Variants in FLYWCH1 observed in about 807,000 individuals in gnomAD.
FLYWCH1 encodes the protein FLYWCH-type zinc finger 1.
FLYWCH1 carries 75 observed loss-of-function variants against 66.4 expected under a neutral mutation model. That is an observed-to-expected ratio of 1.13 (90% CI 0.94 to 1.37). The LOEUF (loss-of-function observed/expected upper bound fraction) is 1.37, where lower values mean the gene tolerates loss of function less well. Ranked by LOEUF, FLYWCH1 falls within the 40% of genes most tolerant of loss-of-function variation. The pLI, the probability that FLYWCH1 is intolerant of heterozygous loss-of-function variation, is 0.00. For synonymous variants in FLYWCH1, 595 were observed against 429.9 expected, an observed-to-expected ratio of 1.38 and a Z score of -4.75; for missense variants, 1,334 against 1,001.8, an observed-to-expected ratio of 1.33 and a Z score of -4.48.
chr16:2,938,395 A>C lies in FLYWCH1; in HGVS notation c.1989A>C (p.Ala663=). The change falls in exon 8 of 10, where the codon GCA becomes GCC. Residue 663 remains alanine (A), a synonymous_variant. Transcript: ENST00000253928. ...MRSHCHQPDL[A]GLEALRQRER... is the part of the protein sequence containing the mutation. ...GCCACTGCCATCAGCCTGACCTGGC[A>C]GGCCTGGAGGCCTTGAGGCAACGGG... 1.3e-6 allele frequency: 2 copies of C among 1,552,098 alleles called. No homozygotes were observed. The highest frequency in any genetic ancestry group is 1.7e-6 in the Non-Finnish European group (2 of 1,148,490).
In FLYWCH1 at chr16:2,911,994, G is replaced by T. The variant is rs1287040439; in HGVS notation, c.-348G>T. The T allele has an allele frequency of 6.6e-6, 1 of 152,212 alleles. No individual in the cohort carries two copies. Among genetic ancestry groups the T allele is most frequent in the Non-Finnish European group, 1.5e-5 (1 of 68,082 alleles). 9.4% of individuals were successfully genotyped at this position (152,212 alleles called of 1,614,324 possible). ...CGGCGGGGTCGCGCGCGCGGTCACGGGGCTCGCTCCCGAGGGGCAGGTCGG... is the reference window on the plus strand; with the variant it reads ...CGGCGGGGTCGCGCGCGCGGTCACGTGGCTCGCTCCCGAGGGGCAGGTCGG... On this transcript the variant is annotated 5_prime_UTR_variant, in exon 1 of 10. Transcript: ENST00000253928.
At chr16:2,936,082 T>A (rs1596383661) in intron 6 of FLYWCH1, 2 of 245,612 alleles carry the variant, frequency 8.1e-6, no homozygotes, top group East Asian at 2.4e-4. Flanking sequence ...GCTAATTTTT[T>A]GTATTTTTTT....
Position 2,949,180 on chromosome 16 carries a change from G to C in FLYWCH1, c.*453G>C, listed in dbSNP as rs1245390582. 1 of 189,860 alleles carries C rather than the reference G, an allele frequency of 5.3e-6. No individual in the cohort carries two copies. Among genetic ancestry groups the C allele is most frequent in the Non-Finnish European group, 1.1e-5 (1 of 91,706 alleles). 11.8% of individuals were successfully genotyped at this position (189,860 alleles called of 1,614,324 possible). On this transcript the variant is annotated 3_prime_UTR_variant, in exon 10 of 10. Transcript: ENST00000253928. ...TGGGGAAGTTCCTGCTTCAAACTGAGCTGCCCCGCATAGGCCAGGTCAACC... is the reference window on the plus strand; with the variant it reads ...TGGGGAAGTTCCTGCTTCAAACTGACCTGCCCCGCATAGGCCAGGTCAACC...
At chr16:2,937,472 G>T in intron 7 of FLYWCH1, 88 bp downstream of exon 7, 1 of 1,417,648 alleles carries the variant, frequency 7.1e-7, no homozygotes, top group Non-Finnish European at 9.3e-7. Context: ...GTGGGGTGTT[G>T]TGTGTTGTGC....
In FLYWCH1 at chr16:2,933,723, T is replaced by G. The variant is rs2070873027; in HGVS notation, c.1257T>G (p.Pro419=). The G allele has an allele frequency of 1.9e-6, 3 of 1,611,908 alleles. No individual in the cohort carries two copies. Among genetic ancestry groups the G allele is most frequent in the East Asian group, 2.2e-5 (1 of 44,772 alleles). ...HQDMDADPGG[P]EFLKTPLGGS... ...CCTCTTGAACCTCCCCAGGAGGCCC[T>G]GAGTTCCTGAAGACGCCCCTGGGGG... The change falls in exon 6 of 10, where the codon CCT becomes CCG. Residue 419 remains proline (P), a synonymous_variant. Coordinates refer to ENST00000253928, the MANE Select transcript of FLYWCH1 (RefSeq NM_001308068.2).
intron 7 of FLYWCH1, 72 bp from the exon 8 acceptor site, chr16:2,938,110 GGA>G: frequency 6.9e-7 from 1 of 1,445,828 alleles, no homozygotes. Context: ...CCTGGCTGGG[GGA>G]TACAAATCAG....
In FLYWCH1 at chr16:2,930,718, G is replaced by A; in HGVS notation, c.634G>A (p.Val212Met). 6.5e-7 allele frequency: 1 copy of A among 1,547,614 alleles called. No individual in the cohort carries two copies. Among genetic ancestry groups the A allele is most frequent in the East Asian group, 2.4e-5 (1 of 41,272 alleles). ...GGGTCCTGAGGGCCCTGGAGGCCGAGTGGAGGAGCCCCTGGAGGGGGTGGG... is the reference window on the plus strand; with the variant it reads ...GGGTCCTGAGGGCCCTGGAGGCCGAATGGAGGAGCCCCTGGAGGGGGTGGG... ...PQGPEGPGGR[V>M]EEPLEGVGPW... is the part of the protein sequence containing the mutation. The change falls in exon 4 of 10, where the codon GTG becomes ATG. Residue 212 changes from valine (V) to methionine (M), a missense_variant. Physicochemically the swap from Val to Met is conservative, Grantham distance 21. Transcript: ENST00000253928.
chr16:2,930,426 G>T lies in FLYWCH1; in HGVS notation c.342G>T (p.Leu114=). 1 of 1,469,438 alleles carries T rather than the reference G, an allele frequency of 6.8e-7. No homozygotes were observed. The highest frequency in any genetic ancestry group is 1.8e-4 in the Middle Eastern group (1 of 5,640). 91.0% of individuals were successfully genotyped at this position (1,469,438 alleles called of 1,614,324 possible). ...SKLDAAAPQS[L]EFLRTPFGGR... ...TTCCCCCAGCAGCCCCTCAGTCCCTGGAGTTCCTGAGGACACCATTCGGGG... is the reference window on the plus strand; with the variant it reads ...TTCCCCCAGCAGCCCCTCAGTCCCTTGAGTTCCTGAGGACACCATTCGGGG... The change falls in exon 4 of 10, where the codon CTG becomes CTT. Residue 114 remains leucine (L), a synonymous_variant. Coordinates refer to ENST00000253928, the MANE Select transcript of FLYWCH1 (RefSeq NM_001308068.2).
intron 9 of FLYWCH1, among the ~76,000 whole-genome samples, chr16:2,942,937 A>G (rs2071333261): frequency 6.6e-6 from 1 of 151,602 alleles, no homozygotes. Context: ...CCCGACCTCA[A>G]GTGATCCACC....
chr16:2,929,411 AGT>A (rs72529005), intron 2 of FLYWCH1, among the ~76,000 whole-genome samples, 200 bp from the exon 3 acceptor site: 29,539 of 152,002 alleles, frequency 0.19, 3,431 homozygotes, highest in East Asian at 0.43. Context: ...AGATGGGGAA[AGT>A]GGGGTTGGAT....
chr16:2,942,511 GA>G (rs2071309920), intron 9 of FLYWCH1, among the ~76,000 whole-genome samples: 1 of 152,030 alleles, frequency 6.6e-6, no homozygotes, highest in African/African-American at 2.4e-5. Context: ...ATCACAAAGA[GA>G]AAACTACAGA....
rs1391907945 is a variant in FLYWCH1 at position 2,949,726 on chromosome 16, C to G, written c.*999C>G. 1 of 152,034 alleles carries G rather than the reference C, an allele frequency of 6.6e-6. No individual in the cohort carries two copies. Among genetic ancestry groups the G allele is most frequent in the Non-Finnish European group, 1.5e-5 (1 of 68,062 alleles). 9.4% of individuals were successfully genotyped at this position (152,034 alleles called of 1,614,324 possible). ...CTGGCAAGTTGGCCACGGAACCCAC[C>G]ATGCACTGCAAGGCTGTGACAGCCT... On this transcript the variant is annotated 3_prime_UTR_variant, in exon 10 of 10. Transcript: ENST00000253928.
chr16:2,920,733 G>T (rs758630317), intron 2 of FLYWCH1, among the ~76,000 whole-genome samples: 11 of 151,542 alleles, frequency 7.3e-5, no homozygotes, highest in Non-Finnish European at 1.5e-4. Flanking sequence ...TGGAGACGGG[G>T]TTTCTCCATG....
At chr16:2,947,407 G>A (rs1280548671) in intron 9 of FLYWCH1, among the ~76,000 whole-genome samples, 1 of 101,008 alleles carries the variant, frequency 9.9e-6, no homozygotes, top group Non-Finnish European at 1.9e-5. Context: ...GTACAACTCT[G>A]AATTGTACAC....
intron 6 of FLYWCH1, chr16:2,934,507 T>G: frequency 5.2e-6 from 2 of 387,838 alleles, no homozygotes; most frequent in Non-Finnish European, 1.0e-5. Flanking sequence ...CAGTGCCTGG[T>G]GTTTTGACTT....
At chr16:2,930,914 CGG>C in intron 4 of FLYWCH1, 34 bp downstream of exon 4, 1 of 1,517,124 alleles carries the variant, frequency 6.6e-7, no homozygotes, top group East Asian at 2.4e-5. Flanking sequence ...TGCGTCCACT[CGG>C]GGCAGGGGAC....
chr16:2,929,193 C>G (rs934958751), intron 2 of FLYWCH1, among the ~76,000 whole-genome samples: 1 of 152,194 alleles, frequency 6.6e-6, no homozygotes, highest in Non-Finnish European at 1.5e-5. Flanking sequence ...CCTCTTCAGC[C>G]TCAAGTGTAT....
intron 2 of FLYWCH1, among the ~76,000 whole-genome samples, chr16:2,927,890 T>A (rs1168488505): frequency 2.0e-5 from 3 of 152,230 alleles, no homozygotes; most frequent in Non-Finnish European, 2.9e-5. Flanking sequence ...CTGGCGCTGG[T>A]CTCTGAGTTC....
intron 2 of FLYWCH1, among the ~76,000 whole-genome samples, chr16:2,927,441 C>A (rs1315500023): frequency 3.9e-5 from 6 of 152,136 alleles, no homozygotes; most frequent in Non-Finnish European, 8.8e-5. Flanking sequence ...ACAATATGGA[C>A]CCAACTCACC....
Sources: allele counts gnomAD v4.1 joint callset (sites outside exome capture counted in the v4.1 genomes callset), GRCh38; gene constraint gnomAD v4.1.1; transcripts MANE v1.5; gene names NCBI Gene and HGNC (gene_info 2026-07-23, HGNC 2026-07-21).